ESRRG: variants seen among roughly 807,000 people sequenced by gnomAD.
ESRRG encodes estrogen-related receptor gamma.
Under a neutral mutation model 44.0 loss-of-function variants are expected in ESRRG, and 13 were observed. That is an observed-to-expected ratio of 0.30 (90% CI 0.19 to 0.47). ESRRG has a LOEUF of 0.47. Ranked by LOEUF, ESRRG falls within the 20% of genes least tolerant of loss-of-function variation. ESRRG has a pLI of 1.00. For missense variants in ESRRG, 395 were observed against 580.6 expected (o/e 0.68, Z 3.29); for synonymous variants, 215 against 214.6 (o/e 1.00, Z -0.02).
chr1:216,631,755 C>T lies in ESRRG; in HGVS notation c.589+19218G>A, dbSNP rs2064231951. Among the ~76,000 whole-genome samples, 13 of 152,266 alleles carry T rather than the reference C, an allele frequency of 8.5e-5. No individual in the cohort carries two copies. The South Asian group carries it at 2.7e-3, about 32-fold the overall frequency. ...ATAGGTACAAATACAGGTACACACA[C>T]ATACACACATAGTAGAAATAATACA... is the stretch of plus-strand genomic sequence containing the variant. On this transcript the variant is annotated intron_variant, in intron 3 of 6. Transcript: ENST00000408911.
chr1:216,867,291 C>T (rs971517671), intron 2 of ESRRG, among the ~76,000 whole-genome samples: 1 of 152,106 alleles, frequency 6.6e-6, no homozygotes, highest in Non-Finnish European at 1.5e-5. Flanking sequence ...AAAGAATTCT[C>T]CTTTTGCTTT....
intron 1 of ESRRG, among the ~76,000 whole-genome samples, chr1:217,023,889 T>G (rs2080759336): frequency 6.6e-6 from 1 of 152,230 alleles, no homozygotes; most frequent in Non-Finnish European, 1.5e-5. Flanking sequence ...GAAGTCACCA[T>G]GCATGGCAAT....
chr1:217,003,329 T>C (rs1269504545), intron 1 of ESRRG, among the ~76,000 whole-genome samples: 1 of 152,088 alleles, frequency 6.6e-6, no homozygotes, highest in East Asian at 1.9e-4. Flanking sequence ...TTTCTCAACC[T>C]ATAAAACAGG....
At chr1:216,694,237 CA>C (rs1473258221) in intron 1 of ESRRG, among the ~76,000 whole-genome samples, 1 of 152,064 alleles carries the variant, frequency 6.6e-6, no homozygotes, top group Admixed American at 6.6e-5. Context: ...TGCATTAAAT[CA>C]GAAGGATATC....
intron 2 of ESRRG, among the ~76,000 whole-genome samples, chr1:216,803,961 C>T (rs567657771): frequency 1.1e-4 from 17 of 151,882 alleles, no homozygotes; most frequent in African/African-American, 3.6e-4. Context: ...GGTTCTAACA[C>T]AGGTTAATCT....
intron 2 of ESRRG, among the ~76,000 whole-genome samples, chr1:216,877,380 T>G (rs1045372866): frequency 5.8e-5 from 7 of 121,040 alleles, no homozygotes; most frequent in South Asian, 2.4e-4. Context: ...AGGTATGGTG[T>G]TTTTTTTTGT....
chr1:216,752,376 G>A (rs1222254283), intron 2 of ESRRG, among the ~76,000 whole-genome samples: 6 of 152,042 alleles, frequency 3.9e-5, no homozygotes, highest in Non-Finnish European at 5.9e-5. Context: ...TCTTATTGAA[G>A]AGGTAGGCAC....
At chr1:216,858,175 C>T (rs1309088256) in intron 2 of ESRRG, among the ~76,000 whole-genome samples, 6 of 150,980 alleles carry the variant, frequency 4.0e-5, no homozygotes, top group Non-Finnish European at 8.8e-5. Flanking sequence ...CAGTGGCTCA[C>T]GCCTGTAATC....
At chr1:216,624,643 AT>A (rs1399263103) in intron 3 of ESRRG, among the ~76,000 whole-genome samples, 2 of 152,222 alleles carry the variant, frequency 1.3e-5, no homozygotes, top group African/African-American at 2.4e-5. Flanking sequence ...GAGCTAATAC[AT>A]AACCGAACCT....
chr1:216,774,623 T>C (rs556851725), intron 2 of ESRRG, among the ~76,000 whole-genome samples: 3 of 152,004 alleles, frequency 2.0e-5, no homozygotes, highest in African/African-American at 7.2e-5. Flanking sequence ...ATAAAGACTT[T>C]GAAGTAAACA....
intron 2 of ESRRG, among the ~76,000 whole-genome samples, chr1:216,779,538 A>G (rs1241701781): frequency 1.1e-5 from 1 of 94,504 alleles, no homozygotes; most frequent in African/African-American, 4.6e-5. Flanking sequence ...AAATATTTAT[A>G]TTTATATATA....
chr1:216,942,793 C>T (rs185421244), intron 1 of ESRRG, among the ~76,000 whole-genome samples: 29 of 152,088 alleles, frequency 1.9e-4, no homozygotes, highest in African/African-American at 7.0e-4. Flanking sequence ...GTTCAAGTTC[C>T]TTGTAGTTTC....
intron 2 of ESRRG, among the ~76,000 whole-genome samples, chr1:216,675,366 GA>G (rs942618056): frequency 3.2e-4 from 46 of 143,010 alleles, no homozygotes; most frequent in Non-Finnish European, 3.9e-4. Context: ...GCCTCAAAAA[GA>G]AAAAAAAAAG....
chr1:216,700,616 G>A (rs1024877439), intron 1 of ESRRG, among the ~76,000 whole-genome samples: 3 of 152,090 alleles, frequency 2.0e-5, no homozygotes, highest in African/African-American at 7.2e-5. Flanking sequence ...ACTGTTTACT[G>A]GATTAGTATG....
intron 2 of ESRRG, among the ~76,000 whole-genome samples, chr1:216,890,452 G>A (rs1391836284): frequency 1.3e-5 from 2 of 152,068 alleles, no homozygotes; most frequent in Non-Finnish European, 2.9e-5. Flanking sequence ...ATGCAAAAGT[G>A]AATACAATAC....
rs943164829 is a variant in ESRRG at position 216,723,399 on chromosome 1, C to T, written c.-100G>A. 2 of 1,129,932 alleles carry T rather than the reference C, an allele frequency of 1.8e-6. No individual in the cohort carries two copies. Among genetic ancestry groups the T allele is most frequent in the Non-Finnish European group, 2.7e-6 (2 of 747,430 alleles). The allele number at this position is 1,129,932 out of a possible 1,614,324, so 70.0% of individuals were successfully genotyped here. A position where few individuals can be genotyped will look rare whatever the true frequency, so the allele number is the denominator to read the frequency against. On this transcript the variant is annotated 5_prime_UTR_variant, in exon 1 of 7. Coordinates refer to ENST00000408911, the MANE Select transcript of ESRRG (RefSeq NM_001438.4). ...CACAAATGTTCTCCTAGTGACAAGC[C>T]TATAGGCACAGCCAGTTGGGACCAA...
chr1:216,973,123 C>T (rs919460117), intron 1 of ESRRG, among the ~76,000 whole-genome samples: 1 of 152,068 alleles, frequency 6.6e-6, no homozygotes, highest in Non-Finnish European at 1.5e-5. Flanking sequence ...AGCCCCTTGT[C>T]GGTCTATTTT....
At chr1:216,921,469 G>A (rs1012922173) in intron 2 of ESRRG, among the ~76,000 whole-genome samples, 6 of 152,260 alleles carry the variant, frequency 3.9e-5, no homozygotes, top group South Asian at 2.1e-4. Context: ...AATGGACTGC[G>A]AACTCCTACG....
intron 2 of ESRRG, among the ~76,000 whole-genome samples, chr1:216,806,588 C>T (rs1576753701): frequency 6.6e-6 from 1 of 152,076 alleles, no homozygotes; most frequent in East Asian, 1.9e-4. Context: ...AAATTAATAC[C>T]CAGCTGCAAG....
Sources: gnomAD v4.1 joint callset for allele counts (sites outside exome capture counted in the v4.1 genomes callset) on GRCh38, gnomAD v4.1.1 for gene constraint, MANE v1.5 for transcripts, NCBI Gene and HGNC (gene_info 2026-07-23, HGNC 2026-07-21) for gene names.